The following TNFRSF25 variants were observed in gnomAD, a reference collection of about 807,000 sequenced individuals.
The protein encoded by TNFRSF25 is TNF receptor superfamily member 25.
Under a neutral mutation model 49.4 loss-of-function variants are expected in TNFRSF25, and 28 were observed. The observed-to-expected ratio is 0.57, with a 90% CI of 0.42 to 0.78. The LOEUF (loss-of-function observed/expected upper bound fraction) is 0.78, where lower values mean the gene tolerates loss of function less well. Among genes scored for constraint, TNFRSF25 ranks in the 30% least tolerant of loss-of-function variants. The pLI, the probability that TNFRSF25 is intolerant of heterozygous loss-of-function variation, is 0.00. For missense variants in TNFRSF25, 531 were observed against 581.6 expected (o/e 0.91, Z 0.90); for synonymous variants, 240 against 234.2 (o/e 1.02, Z -0.23).
At chr1:6,465,819 CCCCACCCATGCTTTCTGT>C in intron 1 of TNFRSF25, 1 of 1,424,558 alleles carries the variant, frequency 7.0e-7, no homozygotes, top group Non-Finnish European at 9.1e-7. Flanking sequence ...GCGCCCCCAC[CCCCACCCATGCTTTCTGT>C]TGGGGGAGGG....
intron 5 of TNFRSF25, chr1:6,463,577 T>G (rs1644245277): frequency 1.2e-5 from 2 of 166,090 alleles, no homozygotes; most frequent in Admixed American, 5.8e-5. Flanking sequence ...ATACAAAAAA[T>G]TAGCCGGGGG....
Position 6,466,102 on chromosome 1 carries a change from C to T in TNFRSF25, c.6G>A (p.Glu2=), listed in dbSNP as rs766095125. 2.6e-6 allele frequency: 4 copies of T among 1,557,034 alleles called. No individual in the cohort carries two copies. Among genetic ancestry groups the T allele is most frequent in the East Asian group, 5.2e-5 (2 of 38,172 alleles). Residue 2 remains glutamate (E), a synonymous_variant, in exon 1 of 10, where the codon GAG becomes GAA. Transcript: ENST00000356876. M[E]QRPRGCAAVA... ...CCGCCGCGCAGCCCCGCGGCCGCTG[C>T]TCCATAGCCCTCCGACGGGCGCCCA... is the stretch of plus-strand genomic sequence containing the variant.
At position 6,461,709 on chromosome 1, in the gene TNFRSF25, T is replaced by C; in HGVS notation, c.979A>G (p.Met327Val). 1.3e-6 allele frequency: 2 copies of C among 1,564,422 alleles called. No individual in the cohort carries two copies. The highest frequency in any genetic ancestry group is 1.3e-5 in the African/African-American group (1 of 74,146). Reference sequence around the variant, plus strand: ...AGCTGCGGGCCCGGCTGCAGCATCATGGCTGGCGAGCCGGCTGGGGACTCT... The same window carrying C: ...AGCTGCGGGCCCGGCTGCAGCATCACGGCTGGCGAGCCGGCTGGGGACTCT... ...SPESPAGSPA[M>V]MLQPGPQLYD... is the part of the protein sequence containing the mutation. Residue 327 changes from methionine to valine, a missense_variant, in exon 10 of 10, where the codon ATG (methionine) becomes GTG (valine). Transcript: ENST00000356876. The surrounding 1 kb of genome is among the most constrained non-coding windows in gnomAD (Gnocchi z 6.3).
chr1:6,461,162 T>G lies in TNFRSF25; in HGVS notation c.*272A>C. 2 of 682,572 alleles carry G rather than the reference T, an allele frequency of 2.9e-6. No individual in the cohort carries two copies. Among genetic ancestry groups the G allele is most frequent in the East Asian group, 2.9e-5 (1 of 34,114 alleles). 42.3% of individuals were successfully genotyped at this position (682,572 alleles called of 1,614,324 possible). A position where few individuals can be genotyped will look rare whatever the true frequency, so the allele number is the denominator to read the frequency against. On this transcript the variant is annotated 3_prime_UTR_variant, in exon 10 of 10. Coordinates refer to ENST00000356876, the MANE Select transcript of TNFRSF25 (RefSeq NM_003790.3). The surrounding 1 kb of genome is among the most constrained non-coding windows in gnomAD (Gnocchi z 6.3). ...ACGCCAAGAAGCCGTTTTTGTTTTG[T>G]TTTGTTTTCTTTCACAGATTTAATA...
chr1:6,464,803 A>G, intron 3 of TNFRSF25, 84 bp from the exon 4 acceptor site: 2 of 1,499,784 alleles, frequency 1.3e-6, no homozygotes, highest in South Asian at 2.4e-5. Context: ...TTATCCCAAG[A>G]TAATGGAGAC....
At chr1:6,465,889 G>A in intron 1 of TNFRSF25, 180 bp downstream of exon 1, 1 of 1,424,358 alleles carries the variant, frequency 7.0e-7, no homozygotes, top group East Asian at 2.7e-5. Flanking sequence ...ACCCTCCTGG[G>A]AGGGGTTTCC....
At position 6,463,142 on chromosome 1, in the gene TNFRSF25, G is replaced by A; in HGVS notation, c.543-15C>T. 6.4e-7 allele frequency: 1 copy of A among 1,550,562 alleles called. No individual in the cohort carries two copies. ...CCAGGGTGCTCCTGCAAGGGACGGGGGTGGCCTGAGGGATGAGGGGGTGCA... is the reference window on the plus strand; with the variant it reads ...CCAGGGTGCTCCTGCAAGGGACGGGAGTGGCCTGAGGGATGAGGGGGTGCA... On this transcript the variant is annotated splice_polypyrimidine_tract_variant and intron_variant, in intron 5 of 9. Transcript: ENST00000356876.
rs1053482632 is a variant in TNFRSF25 at position 6,463,084 on chromosome 1, C to G, written c.586G>C (p.Gly196Arg). The change falls in exon 6 of 10, where the codon GGC (glycine) becomes CGC (arginine). Residue 196 changes from glycine to arginine, a missense_variant. Coordinates refer to ENST00000356876, the MANE Select transcript of TNFRSF25 (RefSeq NM_003790.3). ...GCACACCACCTACTCTGCCTCCAGC[C>G]ACAGACAGCGGCACAGCGCTCTGGA... ...SCPERCAAVC[G>R]WRQMFWVQVL... The G allele has an allele frequency of 8.4e-6, 13 of 1,551,808 alleles. No individual in the cohort carries two copies. The highest frequency in any genetic ancestry group is 5.9e-5 in the Admixed American group (3 of 51,006).
Position 6,462,894 on chromosome 1 carries a change from G to T in TNFRSF25, c.675C>A (p.Arg225=). 6.2e-7 allele frequency: 1 copy of T among 1,608,308 alleles called. No homozygotes were observed. Among genetic ancestry groups the T allele is most frequent in the South Asian group, 1.1e-5 (1 of 89,950 alleles). Residue 225 remains arginine, a synonymous_variant, in exon 7 of 10, where the codon CGC becomes CGA. Coordinates refer to ENST00000356876, the MANE Select transcript of TNFRSF25 (RefSeq NM_003790.3). This position sits in a 1 kb window ranked among gnomAD's most constrained non-coding sequence, Gnocchi z 4.2. The stretch of plus-strand genomic sequence containing the variant: ...CCAGGGGCTTGTGAGGCCAGCAGTG[G>T]CGGTATGTGTAGGTCAGGGTGGCCC... ...LLGATLTYTY[R]HCWPHKPLVT...
chr1:6,464,614 G>T lies in TNFRSF25; in HGVS notation c.401C>A (p.Ser134Ter), dbSNP rs765437023. ...TAGGCATGGTTGGCAGTAGAAGGGT[G>T]AACTGCTGACACATTGGCTGACCTG... ...ECQVSQCVSS[S>*]PFYCQPCLDC... is the part of the protein sequence containing the mutation. Residue 134 changes from serine to a stop codon, truncating the protein, a stop_gained, in exon 4 of 10, where the codon TCA (serine) becomes TAA (stop). Transcript: ENST00000356876. LOFTEE classifies it high-confidence loss of function. 1 of 1,614,106 alleles carries T rather than the reference G, an allele frequency of 6.2e-7. No individual in the cohort carries two copies. The highest frequency in any genetic ancestry group is 8.5e-7 in the Non-Finnish European group (1 of 1,180,032).
intron 1 of TNFRSF25, 28 bp from the exon 2 acceptor site, chr1:6,465,588 G>T (rs1287087447): frequency 1.2e-6 from 2 of 1,605,912 alleles, no homozygotes; most frequent in African/African-American, 2.7e-5. Context: ...CTGACTCTCA[G>T]CGCAGCTGCC....
Position 6,462,525 on chromosome 1 carries a change from T to C in TNFRSF25, c.744+104A>G, listed in dbSNP as rs1314270198. 4.3e-5 allele frequency: 67 copies of C among 1,546,386 alleles called. No homozygotes were observed. Among genetic ancestry groups the C allele is most frequent in the Non-Finnish European group, 5.1e-5 (58 of 1,148,028 alleles). ...CTCTGCTCCCAACACCTCTGTCCACTAGGGCTACCCGGTGCTGGCCGCGTG... is the reference window on the plus strand; with the variant it reads ...CTCTGCTCCCAACACCTCTGTCCACCAGGGCTACCCGGTGCTGGCCGCGTG... On this transcript the variant is annotated intron_variant, in intron 8 of 9. Transcript: ENST00000356876. The surrounding 1 kb of genome is among the most constrained non-coding windows in gnomAD (Gnocchi z 4.2).
chr1:6,465,562 T>C lies in TNFRSF25; in HGVS notation c.40-2A>G. ...CCCCAGCAGCACCAGGAGGAGCGCC[T>C]GGGGGACAGGTGCTGCTGACTCTCA... is the stretch of plus-strand genomic sequence containing the variant. On this transcript the variant is annotated splice_acceptor_variant, in intron 1 of 9. Transcript: ENST00000356876. LOFTEE classifies it high-confidence loss of function. The C allele has an allele frequency of 2.5e-6, 4 of 1,612,016 alleles. No individual in the cohort carries two copies. Among genetic ancestry groups the C allele is most frequent in the Non-Finnish European group, 3.4e-6 (4 of 1,179,336 alleles).
In TNFRSF25 at chr1:6,462,073, G is replaced by A. The variant is rs374783632; in HGVS notation, c.846C>T (p.Thr282=). 2.5e-6 allele frequency: 4 copies of A among 1,613,668 alleles called. No individual in the cohort carries two copies. In the African/African-American group the frequency reaches 5.3e-5, roughly 22 times the overall value. ...CCTCCTGGGTCTCGGGGTAGCCAGG[G>A]GTCCAGCTGTTACCCACCAACTGGA... ...CTVQLVGNSW[T]PGYPETQEAL... The change falls in exon 9 of 10, where the codon ACC becomes ACT. Residue 282 remains threonine, a synonymous_variant. Transcript: ENST00000356876. This position sits in a 1 kb window ranked among gnomAD's most constrained non-coding sequence, Gnocchi z 4.2.
rs1644340662 is a variant in TNFRSF25 at position 6,465,748 on chromosome 1, T to A, written c.40-188A>T. The A allele has an allele frequency of 7.0e-6, 10 of 1,428,610 alleles. No homozygotes were observed. In the East Asian group the frequency reaches 2.3e-4, roughly 33 times the overall value. 88.5% of individuals were successfully genotyped at this position (1,428,610 alleles called of 1,614,324 possible). A position where few individuals can be genotyped will look rare whatever the true frequency, so the allele number is the denominator to read the frequency against. On this transcript the variant is annotated intron_variant, in intron 1 of 9. Coordinates refer to ENST00000356876, the MANE Select transcript of TNFRSF25 (RefSeq NM_003790.3). ...CTTCCCCCCGCGCACACACCAGGCT[T>A]CGGAGGGGGCGCTTACCAGCCCCTC...
rs1644177770 is a variant in TNFRSF25 at position 6,461,699 on chromosome 1, T to C, written c.989A>G (p.Gln330Arg). 3 of 1,572,880 alleles carry C rather than the reference T, an allele frequency of 1.9e-6. No individual in the cohort carries two copies. Among genetic ancestry groups the C allele is most frequent in the South Asian group, 2.3e-5 (2 of 88,146 alleles). The change falls in exon 10 of 10, where the codon CAG becomes CGG. Residue 330 changes from glutamine (Q) to arginine (R), a missense_variant. Coordinates refer to ENST00000356876, the MANE Select transcript of TNFRSF25 (RefSeq NM_003790.3). This position sits in a 1 kb window ranked among gnomAD's most constrained non-coding sequence, Gnocchi z 6.3. ...SPAGSPAMMLQPGPQLYDVMD... is the reference protein window; with the variant it reads ...SPAGSPAMMLRPGPQLYDVMD... ...CACGTCGTAGAGCTGCGGGCCCGGC[T>C]GCAGCATCATGGCTGGCGAGCCGGC...
At position 6,461,978 on chromosome 1, in the gene TNFRSF25, C is replaced by T; in HGVS notation, c.925+16G>A. The T allele has an allele frequency of 6.3e-7, 1 of 1,592,556 alleles. No homozygotes were observed. ...GGAGAATGGGGTCAAGGCCTCAGGC[C>T]ACTGATGTCCCTTACCAAGAGCTCT... On this transcript the variant is annotated intron_variant, in intron 9 of 9. Transcript: ENST00000356876. This position sits in a 1 kb window ranked among gnomAD's most constrained non-coding sequence, Gnocchi z 6.3.
chr1:6,465,225 G>A lies in TNFRSF25; in HGVS notation c.161-3C>T, dbSNP rs1569804718. On this transcript the variant is annotated splice_region_variant and splice_polypyrimidine_tract_variant and intron_variant, in intron 2 of 9. Transcript: ENST00000356876. ...GCAAGGGGCCTTCAGGTAGTGCCCT[G>A]TGGAACCAGGCAGGGGTCAGGCAGG... 1 of 1,606,996 alleles carries A rather than the reference G, an allele frequency of 6.2e-7. No homozygotes were observed. Among genetic ancestry groups the A allele is most frequent in the East Asian group, 2.2e-5 (1 of 44,674 alleles).
Position 6,462,195 on chromosome 1 carries a change from C to T in TNFRSF25, c.745-21G>A. 1.3e-6 allele frequency: 2 copies of T among 1,585,362 alleles called. No homozygotes were observed. Among genetic ancestry groups the T allele is most frequent in the Non-Finnish European group, 1.7e-6 (2 of 1,164,696 alleles). ...GTGGCCTGGAAGCCAAGAGGGGCCC[C>T]AGGTCAGCCCTGCTTGCCAAGTAAG... On this transcript the variant is annotated intron_variant, in intron 8 of 9. Transcript: ENST00000356876. The surrounding 1 kb of genome is among the most constrained non-coding windows in gnomAD (Gnocchi z 4.2).
Sources: gnomAD v4.1 joint callset for allele counts on GRCh38, gnomAD v4.1.1 for gene constraint, Gnocchi (gnomAD v3.1) non-coding constraint, MANE v1.5 for transcripts, NCBI Gene and HGNC (gene_info 2026-07-23, HGNC 2026-07-21) for gene names.